Variants in SLC26A7 observed in about 807,000 individuals in gnomAD.
The protein encoded by SLC26A7 is solute carrier family 26 member 7, also known as anion exchange transporter.
A neutral mutation model predicts 82.5 loss-of-function variants in SLC26A7; 59 were observed. The ratio of observed to expected loss-of-function variants is 0.72; its 90% CI spans 0.58 to 0.89. SLC26A7 has a LOEUF of 0.89. Among genes scored for constraint, SLC26A7 ranks in the 40% least tolerant of loss-of-function variants. The pLI is 0.00. For synonymous variants in SLC26A7, 271 were observed against 274.3 expected, an observed-to-expected ratio of 0.99 and a Z score of 0.12; for missense variants, 820 against 793.0, an observed-to-expected ratio of 1.03 and a Z score of -0.41.
chr8:91,262,311 T>C (rs1294201887), intron 2 of SLC26A7, among the ~76,000 whole-genome samples: 1 of 152,086 alleles, frequency 6.6e-6, no homozygotes, highest in Non-Finnish European at 1.5e-5. Context: ...ATCAAGTATC[T>C]GACGTTTAGG....
chr8:91,338,033 G>T (rs1176627923), intron 6 of SLC26A7, 117 bp from the exon 7 acceptor site: 2 of 548,632 alleles, frequency 3.6e-6, no homozygotes, highest in African/African-American at 2.0e-5. Flanking sequence ...GCAACTGCTA[G>T]ATTATTCTTG....
intron 12 of SLC26A7, among the ~76,000 whole-genome samples, chr8:91,363,261 G>A (rs144053829): frequency 1.3e-5 from 2 of 151,884 alleles, no homozygotes; most frequent in African/African-American, 2.4e-5. Flanking sequence ...GAGAGATGGG[G>A]CTCTATTTAT....
intron 5 of SLC26A7, among the ~76,000 whole-genome samples, chr8:91,332,465 AATAT>A (rs1813117023): frequency 7.2e-6 from 1 of 139,842 alleles, no homozygotes. Flanking sequence ...ATATAAATTA[AATAT>A]ATATTCTGTA....
intron 2 of SLC26A7, among the ~76,000 whole-genome samples, chr8:91,267,058 C>T (rs370213129): frequency 2.6e-4 from 40 of 151,976 alleles, no homozygotes; most frequent in Admixed American, 4.6e-4. Flanking sequence ...GGTGTATTCT[C>T]AACCTTCCTT....
chr8:91,225,414 G>T (rs773030381), intron 2 of SLC26A7, among the ~76,000 whole-genome samples: 1 of 152,012 alleles, frequency 6.6e-6, no homozygotes, highest in Non-Finnish European at 1.5e-5. Context: ...GGTGGGAGGG[G>T]ATTGCCCTTC....
intron 5 of SLC26A7, among the ~76,000 whole-genome samples, chr8:91,323,983 C>T (rs577815013): frequency 1.3e-5 from 2 of 151,834 alleles, no homozygotes; most frequent in Non-Finnish European, 2.9e-5. Context: ...TGCATAACCA[C>T]GCCTGGGTAA....
chr8:91,259,705 GA>G, intron 2 of SLC26A7, among the ~76,000 whole-genome samples: 1 of 151,948 alleles, frequency 6.6e-6, no homozygotes, highest in Non-Finnish European at 1.5e-5. Flanking sequence ...CCTCTAAAAT[GA>G]ATAATATTCC....
At chr8:91,343,195 A>G (rs1010335682) in intron 8 of SLC26A7, 158 bp from the exon 9 acceptor site, 5 of 571,542 alleles carry the variant, frequency 8.7e-6, no homozygotes, top group Middle Eastern at 4.7e-4. Context: ...TAAGCACCCA[A>G]TAAATGTTAG....
intron 8 of SLC26A7, 192 bp downstream of exon 8, chr8:91,340,743 T>C: frequency 1.6e-6 from 1 of 630,338 alleles, no homozygotes. Flanking sequence ...TTGTTCACAA[T>C]GCTTTTTATT....
intron 2 of SLC26A7, among the ~76,000 whole-genome samples, chr8:91,239,400 ATATATATATATGTATATG>A (rs202117736): frequency 0.14 from 14,904 of 109,560 alleles, 1,222 homozygotes; most frequent in Non-Finnish European, 0.18. Context: ...AAAAAAATAT[ATATATATATATGTATATG>A]TATATATATG....
chr8:91,387,734 C>A (rs1157931330), intron 15 of SLC26A7, among the ~76,000 whole-genome samples: 2 of 152,154 alleles, frequency 1.3e-5, no homozygotes, highest in Non-Finnish European at 2.9e-5. Context: ...TTCATTTTAT[C>A]ATTTTAATCA....
At chr8:91,263,863 T>G (rs1050749932) in intron 2 of SLC26A7, among the ~76,000 whole-genome samples, 1 of 152,116 alleles carries the variant, frequency 6.6e-6, no homozygotes, top group Non-Finnish European at 1.5e-5. Flanking sequence ...TCTACTTCAT[T>G]TATCACTTAA....
At chr8:91,234,804 C>A (rs887221389) in intron 2 of SLC26A7, among the ~76,000 whole-genome samples, 5 of 135,826 alleles carry the variant, frequency 3.7e-5, no homozygotes, top group African/African-American at 1.4e-4. Context: ...TACCTACCTA[C>A]CTACCTACCT....
At chr8:91,394,244 C>G (rs1808503245) in intron 18 of SLC26A7, 6 of 1,613,314 alleles carry the variant, frequency 3.7e-6, no homozygotes, top group Middle Eastern at 1.6e-4. Flanking sequence ...TGTTTGATAA[C>G]TTGGATCTTC....
intron 2 of SLC26A7, among the ~76,000 whole-genome samples, chr8:91,279,125 G>GTGTGTATATATA (rs1382744780): frequency 2.7e-4 from 30 of 111,270 alleles, no homozygotes; most frequent in African/African-American, 6.0e-4. Context: ...GTGTGTGTGT[G>GTGTGTATATATA]TATATATATA....
chr8:91,338,225 C>G lies in SLC26A7; in HGVS notation c.871C>G (p.Pro291Ala), dbSNP rs267602041. ...TGGATTAGAAGTAGTTGGTCATATT[C>G]CACAAGGGTAATGTAGTCCTTTTTA... ...TYGLEVVGHI[P>A]QGIPSPRAPP... Residue 291 changes from proline (P) to alanine (A), a missense_variant, in exon 7 of 19, where the codon CCA becomes GCA. Transcript: ENST00000276609. The G allele has an allele frequency of 6.2e-7, 1 of 1,601,264 alleles. No homozygotes were observed. Among genetic ancestry groups the G allele is most frequent in the Non-Finnish European group, 8.5e-7 (1 of 1,174,464 alleles).
Position 91,363,484 on chromosome 8 carries a change from A to C in SLC26A7, c.1434A>C (p.Val478=), listed in dbSNP as rs1382168203. Residue 478 remains valine, a synonymous_variant, in exon 13 of 19, where the codon GTA becomes GTC. Transcript: ENST00000276609. ...GCTTTAATTTCAGAGCAATGACTGT[A>C]AGTATAAAAAATATGAAAGAAATGG... is the stretch of plus-strand genomic sequence containing the variant. ...VIGRFPRAMT[V]SIKNMKEMEF... is the part of the protein sequence containing the mutation. The C allele has an allele frequency of 6.7e-7, 1 of 1,499,832 alleles. No homozygotes were observed. The highest frequency in any genetic ancestry group is 1.4e-5 in the African/African-American group (1 of 71,888). The allele number at this position is 1,499,832 out of a possible 1,614,324, so 92.9% of individuals were successfully genotyped here.
At chr8:91,302,956 T>C (rs746819774) in intron 4 of SLC26A7, among the ~76,000 whole-genome samples, 28 of 152,100 alleles carry the variant, frequency 1.8e-4, no homozygotes, top group Non-Finnish European at 4.0e-4. Context: ...CAGTTGATAA[T>C]GCAGTGACTG....
chr8:91,318,008 A>G (rs1414522141), intron 4 of SLC26A7, among the ~76,000 whole-genome samples: 1 of 150,180 alleles, frequency 6.7e-6, no homozygotes, highest in Non-Finnish European at 1.5e-5. Context: ...TAAATTAAAA[A>G]AAAAAGAAAC....
Sources: gnomAD v4.1 joint callset for allele counts (sites outside exome capture counted in the v4.1 genomes callset) on GRCh38, gnomAD v4.1.1 for gene constraint, MANE v1.5 for transcripts, NCBI Gene and HGNC (gene_info 2026-07-23, HGNC 2026-07-21) for gene names.